Variants in SUPT3H observed in about 807,000 individuals in gnomAD.
SUPT3H encodes SPT3 homolog, SAGA and STAGA complex component.
SUPT3H carries 44 observed loss-of-function variants against 44.3 expected under a neutral mutation model. That is an observed-to-expected ratio of 0.99 (90% CI 0.78 to 1.28). SUPT3H has a LOEUF of 1.28. Ranked by LOEUF, SUPT3H falls within the 50% of genes most tolerant of loss-of-function variation. SUPT3H has a pLI of 0.00. For missense variants in SUPT3H, 380 were observed against 387.1 expected (o/e 0.98, Z 0.15); for synonymous variants, 124 against 125.6 (o/e 0.99, Z 0.09).
At chr6:44,871,235 CTTAAG>C (rs1452531475) in intron 10 of SUPT3H, among the ~76,000 whole-genome samples, 2 of 121,340 alleles carry the variant, frequency 1.6e-5, no homozygotes, top group African/African-American at 6.2e-5. Context: ...CCTCTGCAGA[CTTAAG>C]TGTCCCTGTC....
At chr6:44,815,848 A>G (rs1420904865) in intron 11 of SUPT3H, among the ~76,000 whole-genome samples, 1 of 151,750 alleles carries the variant, frequency 6.6e-6, no homozygotes, top group Non-Finnish European at 1.5e-5. Context: ...GGTTTTTCCC[A>G]TTACTATTTC....
chr6:45,145,683 C>A (rs772622700), intron 2 of SUPT3H, among the ~76,000 whole-genome samples: 1 of 151,686 alleles, frequency 6.6e-6, no homozygotes, highest in Admixed American at 6.6e-5. Flanking sequence ...TTAATTAAAC[C>A]AAAAAGTTTC....
intron 10 of SUPT3H, among the ~76,000 whole-genome samples, chr6:44,924,494 T>G (rs1769224143): frequency 6.6e-6 from 1 of 151,986 alleles, no homozygotes; most frequent in South Asian, 2.1e-4. Flanking sequence ...AATGCTGTAG[T>G]TTTAGAATAA....
intron 10 of SUPT3H, among the ~76,000 whole-genome samples, chr6:44,870,806 T>C (rs528734): frequency 0.99 from 149,244 of 150,774 alleles, 73,898 homozygotes; most frequent in East Asian, 1. Flanking sequence ...CTGCGCGAGC[T>C]GAAGCAGGGC....
chr6:44,850,404 A>G (rs192319094), intron 10 of SUPT3H, among the ~76,000 whole-genome samples: 107 of 152,282 alleles, frequency 7.0e-4, no homozygotes, highest in African/African-American at 2.5e-3. Flanking sequence ...GACATATATT[A>G]GGCAGGTCAA....
At chr6:45,227,055 T>C (rs1032967299) in intron 2 of SUPT3H, among the ~76,000 whole-genome samples, 2 of 150,604 alleles carry the variant, frequency 1.3e-5, no homozygotes, top group Non-Finnish European at 3.0e-5. Flanking sequence ...GAAAAGGTTT[T>C]GCTATTCTCA....
At chr6:45,266,053 T>C (rs1775209231) in intron 2 of SUPT3H, among the ~76,000 whole-genome samples, 2 of 152,068 alleles carry the variant, frequency 1.3e-5, no homozygotes, top group Non-Finnish European at 1.5e-5. Context: ...CGATTTTTTA[T>C]TTTTAATCAA....
intron 2 of SUPT3H, among the ~76,000 whole-genome samples, chr6:45,343,572 ACTCT>A (rs533356317): frequency 6.6e-6 from 1 of 152,078 alleles, no homozygotes; most frequent in Non-Finnish European, 1.5e-5. Flanking sequence ...TATGTACATA[ACTCT>A]CTCTTGTAAA....
In SUPT3H at chr6:45,027,189, C is replaced by T. The variant is rs544890805; in HGVS notation, c.187-6557G>A. On this transcript the variant is annotated intron_variant, in intron 3 of 10. Transcript: ENST00000371459. The stretch of plus-strand genomic sequence containing the variant: ...ATTTTTTTGCAGAGACAGGGTTCTG[C>T]CACGTTGACCAGGCTGGCTGGGAAC... Among the ~76,000 whole-genome samples, 7 of 152,032 alleles carry T rather than the reference C, an allele frequency of 4.6e-5. 1 individual carries two copies. Among genetic ancestry groups the T allele is most frequent in the African/African-American group, 1.7e-4 (7 of 41,466 alleles).
intron 2 of SUPT3H, among the ~76,000 whole-genome samples, chr6:45,129,445 A>G (rs1803065987): frequency 6.6e-6 from 1 of 152,190 alleles, no homozygotes; most frequent in Admixed American, 6.5e-5. Context: ...GTGGTCTCAC[A>G]CTTCAAATTC....
At position 45,023,740 on chromosome 6, in the gene SUPT3H, T is replaced by G. The variant is rs112792779; in HGVS notation, c.187-3108A>C. Among the ~76,000 whole-genome samples the G allele has an allele frequency of 0.01, 3 of 300 alleles. No homozygotes were observed. The African/African-American group carries it at 0.11, about 11-fold the overall frequency. 0.2% of individuals were successfully genotyped at this position (300 alleles called of 152,430 possible). A position where few individuals can be genotyped will look rare whatever the true frequency, so the allele number is the denominator to read the frequency against. On this transcript the variant is annotated intron_variant, in intron 3 of 10. Coordinates refer to ENST00000371459, the MANE Select transcript of SUPT3H (RefSeq NM_003599.4). ...ACTTATGAACACAAAAAAGGAAACA[T>G]AGACACTGGGGCCTACTTGAAGGTG...
chr6:45,259,813 C>G (rs926952547), intron 2 of SUPT3H, among the ~76,000 whole-genome samples: 5 of 152,030 alleles, frequency 3.3e-5, no homozygotes, highest in African/African-American at 1.2e-4. Flanking sequence ...TGTTGGTCTT[C>G]AAAACTGATG....
chr6:45,342,287 G>A (rs1789951329), intron 2 of SUPT3H, among the ~76,000 whole-genome samples: 1 of 151,738 alleles, frequency 6.6e-6, no homozygotes, highest in South Asian at 2.1e-4. Flanking sequence ...TTTTGAGACA[G>A]TGTGTCGCTC....
At chr6:45,158,296 A>ATTTTTTTT (rs1489076667) in intron 2 of SUPT3H, among the ~76,000 whole-genome samples, 4 of 72,012 alleles carry the variant, frequency 5.6e-5, no homozygotes, top group South Asian at 4.0e-4. Flanking sequence ...ATATATATAT[A>ATTTTTTTT]TATTTTTTTT....
At chr6:45,208,895 GTTAGGGGCTCATGAGGCTGATGACT>G in intron 2 of SUPT3H, among the ~76,000 whole-genome samples, 1 of 37,940 alleles carries the variant, frequency 2.6e-5, no homozygotes, top group African/African-American at 1.6e-4. Context: ...TTACCCTCTT[GTTAGGGGCTCATGAGGCTGATGACT>G]TTAAGTTGAA....
downstream of SUPT3H, among the ~76,000 whole-genome samples, chr6:44,826,106 ACTTT>A (rs533295712): frequency 0.013 from 1,909 of 152,288 alleles, 22 homozygotes; most frequent in South Asian, 0.026. Context: ...AACATTTGAG[ACTTT>A]CTTTAAGAGA....
chr6:44,980,130 C>A (rs1778889364), intron 6 of SUPT3H, among the ~76,000 whole-genome samples: 1 of 151,968 alleles, frequency 6.6e-6, no homozygotes, highest in Admixed American at 6.6e-5. Flanking sequence ...CCTCAATCTC[C>A]TCCAGTATCT....
chr6:44,899,555 C>G (rs1034500388), intron 10 of SUPT3H, among the ~76,000 whole-genome samples: 1 of 151,952 alleles, frequency 6.6e-6, no homozygotes, highest in East Asian at 1.9e-4. Flanking sequence ...GGTGTGGTGG[C>G]GGGAACCTGT....
At chr6:45,231,613 T>G (rs1458812202) in intron 2 of SUPT3H, among the ~76,000 whole-genome samples, 1 of 152,190 alleles carries the variant, frequency 6.6e-6, no homozygotes, top group Non-Finnish European at 1.5e-5. Flanking sequence ...TCACTAGGCT[T>G]TCTGTATCTG....
Sources: allele counts gnomAD v4.1 joint callset (sites outside exome capture counted in the v4.1 genomes callset), GRCh38; gene constraint gnomAD v4.1.1; transcripts MANE v1.5; gene names NCBI Gene and HGNC (gene_info 2026-07-23, HGNC 2026-07-21).